Variants in RBFOX3 observed in about 807,000 individuals in gnomAD.
The protein encoded by RBFOX3 is RNA binding protein fox-1 homolog 3.
A neutral mutation model predicts 48.7 loss-of-function variants in RBFOX3; 17 were observed. The observed-to-expected ratio is 0.35, with a 90% CI of 0.24 to 0.52. The LOEUF (loss-of-function observed/expected upper bound fraction) is 0.52. Ranked by LOEUF, RBFOX3 falls within the 20% of genes least tolerant of loss-of-function variation. The pLI, the probability that RBFOX3 is intolerant of heterozygous loss-of-function variation, is 0.94. For synonymous variants in RBFOX3, 212 were observed against 209.5 expected (o/e 1.01, Z -0.10); for missense variants, 382 against 497.5 (o/e 0.77, Z 2.21).
the RBFOX3 span, among the ~76,000 whole-genome samples, chr17:79,635,558 A>T: frequency 1.3e-5 from 2 of 152,278 alleles, no homozygotes; most frequent in South Asian, 4.1e-4. Context: ...GAATGGTTAA[A>T]TGCTGTGTAA....
At chr17:79,457,288 G>A (rs1175441390) in intron 2 of RBFOX3, among the ~76,000 whole-genome samples, 1 of 152,236 alleles carries the variant, frequency 6.6e-6, no homozygotes, top group Non-Finnish European at 1.5e-5. Context: ...CTGTTGTGGA[G>A]ACACAGGACA....
At chr17:79,342,122 G>A (rs1392223269) in intron 2 of RBFOX3, among the ~76,000 whole-genome samples, 2 of 152,198 alleles carry the variant, frequency 1.3e-5, no homozygotes, top group African/African-American at 2.4e-5. Flanking sequence ...TGCAGCTCGT[G>A]TTTAGGGCCT....
Position 79,443,259 on chromosome 17 carries a change from G to A in RBFOX3, c.-175+39195C>T, listed in dbSNP as rs1555736132. ...TGCCCCAACAAGCTGCTAGGTGTGT[G>A]TCACCAGGCCTCTGCCACCGGCCTC... On this transcript the variant is annotated intron_variant, in intron 2 of 14. Coordinates refer to ENST00000693108, the MANE Select transcript of RBFOX3 (RefSeq NM_001350451.2). The surrounding 1 kb of genome is among the most constrained non-coding windows in gnomAD (Gnocchi z 4.4). Among the ~76,000 whole-genome samples the A allele has an allele frequency of 1.3e-5, 2 of 152,354 alleles. No individual in the cohort carries two copies. Among genetic ancestry groups the A allele is most frequent in the East Asian group, 3.9e-4 (2 of 5,192 alleles).
At chr17:79,372,972 A>C (rs908266521) in intron 2 of RBFOX3, among the ~76,000 whole-genome samples, 1 of 152,174 alleles carries the variant, frequency 6.6e-6, no homozygotes, top group Non-Finnish European at 1.5e-5. Context: ...ATAAGGAACA[A>C]GGGCCAGCAA....
In RBFOX3 at chr17:79,342,979, C is replaced by CGAGA. The variant is rs35571686; in HGVS notation, c.-174-35159_-174-35156dup. ...GAGAGAGAAAGAGAAAGAGAAAGAG[C>CGAGA]GAGAGAGAGAGAGAGAGAGAGAGAA... On this transcript the variant is annotated intron_variant, in intron 2 of 14. Transcript: ENST00000693108. 4.4e-3 allele frequency among the ~76,000 whole-genome samples: 630 copies of CGAGA among 143,850 alleles called. 24 individuals carry two copies. In the East Asian group the frequency reaches 0.088, roughly 20 times the overall value. 94.4% of individuals were successfully genotyped at this position (143,850 alleles called of 152,430 possible).
intron 2 of RBFOX3, among the ~76,000 whole-genome samples, chr17:79,322,190 T>C (rs2078630111): frequency 6.6e-6 from 1 of 150,886 alleles, no homozygotes; most frequent in Admixed American, 6.6e-5. Flanking sequence ...TTTTGAGCTG[T>C]GATTCATAAA....
intron 2 of RBFOX3, among the ~76,000 whole-genome samples, chr17:79,396,781 C>A: frequency 6.6e-6 from 1 of 152,200 alleles, no homozygotes; most frequent in East Asian, 1.9e-4. Context: ...AGGGACCATC[C>A]CCTCATTAAA....
chr17:79,162,957 C>T (rs145011519), intron 4 of RBFOX3, among the ~76,000 whole-genome samples: 189 of 152,308 alleles, frequency 1.2e-3, no homozygotes, highest in African/African-American at 4.2e-3. Context: ...GACAAAGTCA[C>T]GGAGGAGACC....
intron 4 of RBFOX3, among the ~76,000 whole-genome samples, chr17:79,181,838 T>C (rs2052016453): frequency 6.6e-6 from 1 of 152,086 alleles, no homozygotes; most frequent in South Asian, 2.1e-4. Context: ...CATCTTTGCC[T>C]TCTCTGTCCA....
intron 1 of RBFOX3, among the ~76,000 whole-genome samples, chr17:79,517,051 C>T (rs1018965223): frequency 1.3e-5 from 2 of 152,028 alleles, no homozygotes; most frequent in South Asian, 2.1e-4. Context: ...TGGATGGTCA[C>T]GATTGCACGG....
intron 1 of RBFOX3, among the ~76,000 whole-genome samples, chr17:79,542,535 G>A (rs2089865203): frequency 6.6e-6 from 1 of 152,116 alleles, no homozygotes; most frequent in Admixed American, 6.5e-5. Flanking sequence ...TGTAATCCCA[G>A]CACTCTGGGA....
Position 79,163,582 on chromosome 17 carries a change from C to T in RBFOX3, c.-33-47834G>A, listed in dbSNP as rs1200761984. On this transcript the variant is annotated intron_variant, in intron 4 of 14. Transcript: ENST00000693108. ...CAGAGCTGGAGGGCAGGATGGGAAC[C>T]GGGAAGGTTGTTGCCACCTGGACCA... 3.9e-5 allele frequency among the ~76,000 whole-genome samples: 6 copies of T among 152,216 alleles called. 1 individual carries two copies. The highest frequency in any genetic ancestry group is 3.8e-4 in the East Asian group (2 of 5,198).
intron 1 of RBFOX3, among the ~76,000 whole-genome samples, chr17:79,602,283 T>C (rs1042038144): frequency 6.6e-6 from 1 of 152,258 alleles, no homozygotes; most frequent in Non-Finnish European, 1.5e-5. Context: ...AACAGACTTC[T>C]GGACGATAAA....
chr17:79,464,392 C>T (rs1555752124), intron 2 of RBFOX3, among the ~76,000 whole-genome samples: 4 of 152,226 alleles, frequency 2.6e-5, no homozygotes, highest in African/African-American at 9.6e-5. Flanking sequence ...ATCAATACCG[C>T]CAACTTGGGG....
intron 2 of RBFOX3, among the ~76,000 whole-genome samples, chr17:79,353,635 A>G (rs2084383803): frequency 6.6e-6 from 1 of 152,174 alleles, no homozygotes; most frequent in Non-Finnish European, 1.5e-5. Flanking sequence ...CTGCAAGGAA[A>G]AGCCACGTGA....
At chr17:79,650,946 C>T in the RBFOX3 span, among the ~76,000 whole-genome samples, 11 of 152,194 alleles carry the variant, frequency 7.2e-5, no homozygotes, top group Non-Finnish European at 1.3e-4. Context: ...CCTTTACCCT[C>T]GGCCTCTCCA....
chr17:79,314,900 T>C (rs2077326544), intron 2 of RBFOX3, among the ~76,000 whole-genome samples: 1 of 42,048 alleles, frequency 2.4e-5, no homozygotes, highest in Admixed American at 3.6e-4. Flanking sequence ...TTGTCTGTGA[T>C]CCTTCCTTTT....
chr17:79,548,398 C>T (rs933752978), intron 1 of RBFOX3, among the ~76,000 whole-genome samples: 10 of 152,332 alleles, frequency 6.6e-5, no homozygotes, highest in African/African-American at 1.2e-4. Context: ...TCCAAGTCAG[C>T]GTCCTGCCTG....
intron 1 of RBFOX3, among the ~76,000 whole-genome samples, chr17:79,495,984 T>C (rs113615734): frequency 1.3e-3 from 196 of 151,982 alleles, no homozygotes; most frequent in African/African-American, 4.4e-3. Context: ...GCATGGCCCC[T>C]GGTTAATAAG....
Sources: gnomAD v4.1 joint callset for allele counts (sites outside exome capture counted in the v4.1 genomes callset) on GRCh38, gnomAD v4.1.1 for gene constraint, Gnocchi (gnomAD v3.1) non-coding constraint, MANE v1.5 for transcripts, NCBI Gene and HGNC (gene_info 2026-07-23, HGNC 2026-07-21) for gene names.